The following PPP4R4 variants were observed in gnomAD, a reference collection of about 807,000 sequenced individuals.
PPP4R4 encodes the protein protein phosphatase 4 regulatory subunit 4.
A neutral mutation model predicts 121.8 loss-of-function variants in PPP4R4; 70 were observed. That is an observed-to-expected ratio of 0.57 (90% CI 0.47 to 0.70). PPP4R4 has a LOEUF of 0.70. Among genes scored for constraint, PPP4R4 ranks in the 30% least tolerant of loss-of-function variants. PPP4R4 has a pLI of 0.00. For missense variants in PPP4R4, 875 were observed against 1,033.6 expected, an observed-to-expected ratio of 0.85 and a Z score of 2.10; for synonymous variants, 348 against 355.7, an observed-to-expected ratio of 0.98 and a Z score of 0.24.
intron 2 of PPP4R4, among the ~76,000 whole-genome samples, chr14:94,200,225 CACTT>C (rs1371713988): frequency 1.3e-5 from 2 of 152,092 alleles, no homozygotes; most frequent in African/African-American, 2.4e-5. Context: ...CTGCTAGACT[CACTT>C]ATTCTAGCCA....
At chr14:94,251,545 A>G (rs192125278) in intron 15 of PPP4R4, among the ~76,000 whole-genome samples, 1 of 152,094 alleles carries the variant, frequency 6.6e-6, no homozygotes, top group East Asian at 1.9e-4. Context: ...GTTTGACAAA[A>G]CTGTTTTATG....
At chr14:94,264,999 T>A in intron 20 of PPP4R4, 52 bp downstream of exon 20, 1 of 1,286,716 alleles carries the variant, frequency 7.8e-7, no homozygotes, top group Non-Finnish European at 1.1e-6. Context: ...TAATGTTGCA[T>A]CCTGGTATTC....
chr14:94,265,520 G>T (rs745528031), intron 21 of PPP4R4, 47 bp downstream of exon 21: 1 of 1,482,902 alleles, frequency 6.7e-7, no homozygotes, highest in East Asian at 2.3e-5. Flanking sequence ...TTTCTTCCTT[G>T]TATACAAATT....
In PPP4R4 at chr14:94,234,553, C is replaced by T; in HGVS notation, c.624-9C>T. Reference sequence around the variant, plus strand: ...TTCATTTGCATGTTTCTTTTCTCCCCACCTTCAGCATTAAGCGAGAAATAC... The same window carrying T: ...TTCATTTGCATGTTTCTTTTCTCCCTACCTTCAGCATTAAGCGAGAAATAC... On this transcript the variant is annotated splice_polypyrimidine_tract_variant and intron_variant, in intron 6 of 24. Coordinates refer to ENST00000304338, the MANE Select transcript of PPP4R4 (RefSeq NM_058237.2). 6.6e-7 allele frequency: 1 copy of T among 1,518,298 alleles called. No individual in the cohort carries two copies. Among genetic ancestry groups the T allele is most frequent in the Non-Finnish European group, 9.1e-7 (1 of 1,097,552 alleles). 94.1% of individuals were successfully genotyped at this position (1,518,298 alleles called of 1,614,324 possible).
chr14:94,185,719 A>G (rs1385345342), intron 2 of PPP4R4, among the ~76,000 whole-genome samples: 5 of 152,200 alleles, frequency 3.3e-5, no homozygotes, highest in African/African-American at 1.2e-4. Flanking sequence ...GAAACATCCC[A>G]TTTAGAAACT....
chr14:94,206,423 G>A (rs1337571802), intron 2 of PPP4R4, among the ~76,000 whole-genome samples: 2 of 151,500 alleles, frequency 1.3e-5, no homozygotes, highest in Non-Finnish European at 1.5e-5. Flanking sequence ...TGCCAATTCC[G>A]GTCTTAAATT....
In PPP4R4 at chr14:94,237,675, T is replaced by C. The variant is rs1892415359; in HGVS notation, c.842T>C (p.Ile281Thr). The change falls in exon 8 of 25, where the codon ATA becomes ACA. Residue 281 changes from isoleucine to threonine, a missense_variant. By Grantham distance (89) the Ile-to-Thr change is moderately conservative (BLOSUM62 -1). Coordinates refer to ENST00000304338, the MANE Select transcript of PPP4R4 (RefSeq NM_058237.2). ...GAAACTTTGGTTAATCTGCTTGATA[T>C]ATTTGATACAGGTAAATCATGTGGC... ...AFETLVNLLD[I>T]FDTDDRSQTI... The C allele has an allele frequency of 6.2e-7, 1 of 1,612,108 alleles. No homozygotes were observed. Among genetic ancestry groups the C allele is most frequent in the Non-Finnish European group, 8.5e-7 (1 of 1,178,178 alleles).
intron 2 of PPP4R4, among the ~76,000 whole-genome samples, chr14:94,196,831 G>A (rs1889902086): frequency 6.6e-6 from 1 of 151,974 alleles, no homozygotes; most frequent in East Asian, 1.9e-4. Context: ...CTTTGCTTGT[G>A]GAGAAATAGT....
chr14:94,191,668 G>A (rs1190750588), intron 2 of PPP4R4, among the ~76,000 whole-genome samples: 1 of 152,108 alleles, frequency 6.6e-6, no homozygotes, highest in East Asian at 1.9e-4. Context: ...TGATGATAAA[G>A]GTTTAAGCTA....
chr14:94,181,449 C>T lies in PPP4R4; in HGVS notation c.191+5322C>T, dbSNP rs146108072. 4.6e-5 allele frequency among the ~76,000 whole-genome samples: 7 copies of T among 152,304 alleles called. No homozygotes were observed. In the East Asian group the frequency reaches 1.4e-3, roughly 29 times the overall value. ...ACAATTGGCTAGAATCATAAAATCA[C>T]AAATGTTACATATTTTCAACATCAA... On this transcript the variant is annotated intron_variant, in intron 2 of 24. Coordinates refer to ENST00000304338, the MANE Select transcript of PPP4R4 (RefSeq NM_058237.2).
intron 3 of PPP4R4, among the ~76,000 whole-genome samples, chr14:94,214,564 C>T (rs986110188): frequency 6.6e-6 from 1 of 151,404 alleles, no homozygotes; most frequent in Admixed American, 6.6e-5. Flanking sequence ...ATAATTTCTC[C>T]TAATATGATT....
At chr14:94,200,021 G>T (rs1890089706) in intron 2 of PPP4R4, among the ~76,000 whole-genome samples, 1 of 152,136 alleles carries the variant, frequency 6.6e-6, no homozygotes, top group South Asian at 2.1e-4. Flanking sequence ...CACAGGCCCA[G>T]GGGTGGTACC....
chr14:94,263,424 A>G (rs183203189), intron 19 of PPP4R4, among the ~76,000 whole-genome samples: 2 of 152,132 alleles, frequency 1.3e-5, no homozygotes, highest in East Asian at 3.9e-4. Context: ...TAATTTTTTT[A>G]TTTCCAATAT....
At chr14:94,245,485 GAA>G (rs34860578) in intron 12 of PPP4R4, 100 bp from the exon 13 acceptor site, 80 of 443,460 alleles carry the variant, frequency 1.8e-4, no homozygotes, top group Admixed American at 1.2e-3. Context: ...TTATTTGGGG[GAA>G]AAAAAAAAAC....
intron 23 of PPP4R4, among the ~76,000 whole-genome samples, chr14:94,270,156 T>TG (rs1894252609): frequency 6.6e-6 from 1 of 152,174 alleles, no homozygotes; most frequent in Non-Finnish European, 1.5e-5. Flanking sequence ...TCAAAAACAC[T>TG]AAGTGCTCAG....
In PPP4R4 at chr14:94,221,392, T is replaced by C. The variant is rs138399354; in HGVS notation, c.295-9195T>C. On this transcript the variant is annotated intron_variant, in intron 3 of 24. Coordinates refer to ENST00000304338, the MANE Select transcript of PPP4R4 (RefSeq NM_058237.2). Reference sequence around the variant, plus strand: ...ATTAGATCTGTTCTTCAGAAGACACTATTAAGTGAATGAAAAGACAAGTCA... The same window carrying C: ...ATTAGATCTGTTCTTCAGAAGACACCATTAAGTGAATGAAAAGACAAGTCA... Among the ~76,000 whole-genome samples the C allele has an allele frequency of 7.7e-3, 1,165 of 152,190 alleles. 9 individuals are homozygous for C. The highest frequency in any genetic ancestry group is 0.017 in the Admixed American group (259 of 15,298).
intron 2 of PPP4R4, among the ~76,000 whole-genome samples, chr14:94,184,408 G>T (rs953478924): frequency 2.0e-5 from 3 of 151,988 alleles, no homozygotes; most frequent in African/African-American, 7.3e-5. Context: ...ACAGGCACTA[G>T]CCACCATGCC....
intron 23 of PPP4R4, among the ~76,000 whole-genome samples, chr14:94,270,457 AC>A (rs1894265359): frequency 6.6e-6 from 1 of 152,234 alleles, no homozygotes; most frequent in Admixed American, 6.5e-5. Flanking sequence ...AAGCTGGAGA[AC>A]TTAAATATAA....
At chr14:94,239,163 C>T (rs1892493658) in intron 8 of PPP4R4, among the ~76,000 whole-genome samples, 1 of 151,194 alleles carries the variant, frequency 6.6e-6, no homozygotes, top group Non-Finnish European at 1.5e-5. Flanking sequence ...GTTTCCTTCC[C>T]TCTATTTTTG....
Sources: gnomAD v4.1 joint callset for allele counts (sites outside exome capture counted in the v4.1 genomes callset) on GRCh38, gnomAD v4.1.1 for gene constraint, MANE v1.5 for transcripts, NCBI Gene and HGNC (gene_info 2026-07-23, HGNC 2026-07-21) for gene names.